The following FAM204A variants were observed in gnomAD, a reference collection of about 807,000 sequenced individuals.
FAM204A encodes the protein protein FAM204A.
Under a neutral mutation model 35.4 loss-of-function variants are expected in FAM204A, and 16 were observed. That is an observed-to-expected ratio of 0.45 (90% confidence interval 0.31 to 0.69). FAM204A has a LOEUF of 0.69. FAM204A is among the 30% of genes least tolerant of loss of function. The pLI, the probability that FAM204A is intolerant of heterozygous loss-of-function variation, is 0.07. For missense variants in FAM204A, 240 were observed against 265.7 expected (o/e 0.90, Z 0.67); for synonymous variants, 76 against 86.9 (o/e 0.88, Z 0.70).
At position 118,305,930 on chromosome 10, in the gene FAM204A, T is replaced by C. The variant is rs1183537779; in HGVS notation, c.*4927A>G. 1 of 152,242 alleles carries C rather than the reference T, an allele frequency of 6.6e-6. No homozygotes were observed. The highest frequency in any genetic ancestry group is 6.5e-5 in the Admixed American group (1 of 15,290). The allele number at this position is 152,242 out of a possible 1,614,324, so 9.4% of individuals were successfully genotyped here. The stretch of plus-strand genomic sequence containing the variant: ...TTTTTATTGTGGGCAGTCATAATTG[T>C]ATGCTATCCATCAAACAATAAAACC... On this transcript the variant is annotated 3_prime_UTR_variant, in exon 9 of 9. Transcript: ENST00000369183.
rs1845941453 is a variant in FAM204A at position 118,310,864 on chromosome 10, T to C, written c.695A>G (p.Tyr232Cys). 6.2e-7 allele frequency: 1 copy of C among 1,602,550 alleles called. No homozygotes were observed. Among genetic ancestry groups the C allele is most frequent in the Non-Finnish European group, 8.5e-7 (1 of 1,176,934 alleles). Residue 232 changes from tyrosine to cysteine, a missense_variant, in exon 9 of 9, where the codon TAC (tyrosine) becomes TGC (cysteine). This residue lies in a region of FAM204A where 8 missense variants were observed against 22.9 expected (regional missense o/e 0.35). Coordinates refer to ENST00000369183, the MANE Select transcript of FAM204A (RefSeq NM_022063.3). ...TTGAAGCACTCTGGCAAGTTACATG[T>C]ATCCCATGTTGCTTTTGGTTTCCCA... is the stretch of plus-strand genomic sequence containing the variant. ...KRWETKSNMG[Y>C]M
Position 118,304,711 on chromosome 10 carries a change from C to T in FAM204A, c.*6146G>A, listed in dbSNP as rs1845844069. On this transcript the variant is annotated 3_prime_UTR_variant, in exon 9 of 9. Coordinates refer to ENST00000369183, the MANE Select transcript of FAM204A (RefSeq NM_022063.3). Reference sequence around the variant, plus strand: ...TGCCTCACTGACTGAGCATGCAATGCTCTTTCAGCAGGTATCACACTGTGA... The same window carrying T: ...TGCCTCACTGACTGAGCATGCAATGTTCTTTCAGCAGGTATCACACTGTGA... The T allele has an allele frequency of 6.6e-6, 1 of 152,260 alleles. No homozygotes were observed. Among genetic ancestry groups the T allele is most frequent in the Admixed American group, 6.5e-5 (1 of 15,292 alleles). The allele number at this position is 152,260 out of a possible 1,614,324, so 9.4% of individuals were successfully genotyped here. A position where few individuals can be genotyped will look rare whatever the true frequency, so the allele number is the denominator to read the frequency against.
chr10:118,331,978 A>G (rs1846296221), intron 6 of FAM204A, among the ~76,000 whole-genome samples: 1 of 150,934 alleles, frequency 6.6e-6, no homozygotes, highest in African/African-American at 2.4e-5. Context: ...GTTTGAGACC[A>G]GCCTGGCCAA....
rs1210682799 is a variant in FAM204A, at chr10:118,299,150, G to C, written c.*11707C>G. 6.6e-6 allele frequency: 1 copy of C among 152,166 alleles called. No homozygotes were observed. The highest frequency in any genetic ancestry group is 2.4e-5 in the African/African-American group (1 of 41,436). 9.4% of individuals were successfully genotyped at this position (152,166 alleles called of 1,614,324 possible). A position where few individuals can be genotyped will look rare whatever the true frequency, so the allele number is the denominator to read the frequency against. On this transcript the variant is annotated 3_prime_UTR_variant, in exon 9 of 9. Transcript: ENST00000369183. ...TCCAAATGGGGAAAACTGTCTGCCT[G>C]ATTCTTGAGTATGCTAATGCCTACA...
rs147368320 is a variant in FAM204A at position 118,311,276 on chromosome 10, T to G, written c.581A>C (p.Asn194Thr). The stretch of plus-strand genomic sequence containing the variant: ...AACCTCCTTTTTGGCTTTTACAAAG[T>G]TGTGGCAGGCAACTGCTTTGGCAAT... ...VKIAKAVACH[N>T]FVKAKKEVEN... The change falls in exon 8 of 9, where the codon AAC (asparagine) becomes ACC (threonine). Residue 194 changes from asparagine (N) to threonine (T), a missense_variant. Physicochemically the swap from Asn to Thr is moderately conservative, Grantham distance 65. Coordinates refer to ENST00000369183, the MANE Select transcript of FAM204A (RefSeq NM_022063.3). 1 of 1,609,890 alleles carries G rather than the reference T, an allele frequency of 6.2e-7. No homozygotes were observed.
chr10:118,340,182 A>T (rs752486551), intron 2 of FAM204A, among the ~76,000 whole-genome samples: 1 of 152,252 alleles, frequency 6.6e-6, no homozygotes. Context: ...ACTGGTAGTT[A>T]TAGGTCTGAT....
In FAM204A at chr10:118,311,262, T is replaced by C; in HGVS notation, c.595A>G (p.Lys199Glu). ...GCCTGTGAATTTTCAACCTCCTTTT[T>C]GGCTTTTACAAAGTTGTGGCAGGCA... is the stretch of plus-strand genomic sequence containing the variant. ...AVACHNFVKA[K>E]KEVENSQAAR... The change falls in exon 8 of 9, where the codon AAA (lysine) becomes GAA (glutamate). Residue 199 changes from lysine (K) to glutamate (E), a missense_variant. By Grantham distance (56) the Lys-to-Glu change is moderately conservative. Coordinates refer to ENST00000369183, the MANE Select transcript of FAM204A (RefSeq NM_022063.3). 1.2e-6 allele frequency: 2 copies of C among 1,612,612 alleles called. No individual in the cohort carries two copies. Among genetic ancestry groups the C allele is most frequent in the South Asian group, 1.1e-5 (1 of 90,458 alleles).
Position 118,307,493 on chromosome 10 carries a change from G to A in FAM204A, c.*3364C>T, listed in dbSNP as rs1845881719. On this transcript the variant is annotated 3_prime_UTR_variant, in exon 9 of 9. Coordinates refer to ENST00000369183, the MANE Select transcript of FAM204A (RefSeq NM_022063.3). ...TTCAGTTGGTTCTGGATTAGACTAG[G>A]TTTCACTAACTTCAAAATGAGATCT... 6.6e-6 allele frequency: 1 copy of A among 152,164 alleles called. No individual in the cohort carries two copies. The highest frequency in any genetic ancestry group is 6.5e-5 in the Admixed American group (1 of 15,280). 9.4% of individuals were successfully genotyped at this position (152,164 alleles called of 1,614,324 possible).
At position 118,310,807 on chromosome 10, in the gene FAM204A, C is replaced by T. The variant is rs765740305; in HGVS notation, c.*50G>A. On this transcript the variant is annotated 3_prime_UTR_variant, in exon 9 of 9. Coordinates refer to ENST00000369183, the MANE Select transcript of FAM204A (RefSeq NM_022063.3). ...ATTAACATAGGCAGGAAAACATTCTCAGTAAATTGAGCATTTGAGTCTACA... is the reference window on the plus strand; with the variant it reads ...ATTAACATAGGCAGGAAAACATTCTTAGTAAATTGAGCATTTGAGTCTACA... 1.4e-6 allele frequency: 2 copies of T among 1,429,792 alleles called. No individual in the cohort carries two copies. Among genetic ancestry groups the T allele is most frequent in the Non-Finnish European group, 1.9e-6 (2 of 1,033,798 alleles). 88.6% of individuals were successfully genotyped at this position (1,429,792 alleles called of 1,614,324 possible).
In FAM204A at chr10:118,300,510, CT is replaced by C. The variant is rs1172472483; in HGVS notation, c.*10346del. 1.3e-5 allele frequency: 2 copies of C among 152,170 alleles called. No individual in the cohort carries two copies. The highest frequency in any genetic ancestry group is 2.9e-5 in the Non-Finnish European group (2 of 68,044). 9.4% of individuals were successfully genotyped at this position (152,170 alleles called of 1,614,324 possible). A position where few individuals can be genotyped will look rare whatever the true frequency, so the allele number is the denominator to read the frequency against. On this transcript the variant is annotated 3_prime_UTR_variant, in exon 9 of 9. Transcript: ENST00000369183. ...GATCATGGTGGTGTAGCCTAGGGCA[CT>C]GATTAACATTGGCTGAACACATATT...
At chr10:118,328,470 T>C (rs1405522623) in intron 6 of FAM204A, among the ~76,000 whole-genome samples, 2 of 151,084 alleles carry the variant, frequency 1.3e-5, no homozygotes, top group African/African-American at 4.9e-5. Context: ...ATGATTCTGA[T>C]GCATGCTGAA....
rs149279687 is a variant in FAM204A, at chr10:118,327,528, C to T, written c.454-1285G>A. Among the ~76,000 whole-genome samples the T allele has an allele frequency of 2.6e-5, 4 of 152,290 alleles. No individual in the cohort carries two copies. In the East Asian group the frequency reaches 5.8e-4, roughly 22 times the overall value. On this transcript the variant is annotated intron_variant, in intron 6 of 8. Transcript: ENST00000369183. ...CCTGAGGCCATACGGATCTAATGCT[C>T]ACCACTCATTCTTGTCCTGTGATCA...
At chr10:118,330,082 A>C (rs1430635263) in intron 6 of FAM204A, among the ~76,000 whole-genome samples, 1 of 152,184 alleles carries the variant, frequency 6.6e-6, no homozygotes, top group Non-Finnish European at 1.5e-5. Context: ...CTAGAACTTT[A>C]TTTAATTTTT....
rs1272693761 is a variant in FAM204A, at chr10:118,299,484, T to G, written c.*11373A>C. Reference sequence around the variant, plus strand: ...GCAGCCTCGACCTCTCGGGTTTAAGTAATCCTCCCACCTTAGCCTCCCGAG... The same window carrying G: ...GCAGCCTCGACCTCTCGGGTTTAAGGAATCCTCCCACCTTAGCCTCCCGAG... On this transcript the variant is annotated 3_prime_UTR_variant, in exon 9 of 9. Transcript: ENST00000369183. 6.7e-6 allele frequency: 1 copy of G among 148,622 alleles called. No individual in the cohort carries two copies. The highest frequency in any genetic ancestry group is 6.8e-5 in the Admixed American group (1 of 14,792). 9.2% of individuals were successfully genotyped at this position (148,622 alleles called of 1,614,324 possible).
In FAM204A at chr10:118,335,767, G is replaced by C. The variant is rs969873941; in HGVS notation, c.235-126C>G. 15 of 731,550 alleles carry C rather than the reference G, an allele frequency of 2.1e-5. No individual in the cohort carries two copies. In the Admixed American group the frequency reaches 4.6e-4, roughly 22 times the overall value. The allele number at this position is 731,550 out of a possible 1,614,324, so 45.3% of individuals were successfully genotyped here. A position where few individuals can be genotyped will look rare whatever the true frequency, so the allele number is the denominator to read the frequency against. On this transcript the variant is annotated intron_variant, in intron 3 of 8. Coordinates refer to ENST00000369183, the MANE Select transcript of FAM204A (RefSeq NM_022063.3). ...TAAAGATACCAATTTAATGATGGTA[G>C]TCAGTTCTTGAGATGCTCTATTCTC...
In FAM204A at chr10:118,313,672, C is replaced by T. The variant is rs150391166; in HGVS notation, c.544-2359G>A. Among the ~76,000 whole-genome samples, 1,432 of 152,224 alleles carry T rather than the reference C, an allele frequency of 9.4e-3. 12 individuals are homozygous for T. Among genetic ancestry groups the T allele is most frequent in the Middle Eastern group, 0.027 (8 of 294 alleles). ...TATATTTTTTCCATTAACTCCATTC[C>T]TATCAAATGCAAATTCAGTTTTGCC... On this transcript the variant is annotated intron_variant, in intron 7 of 8. Transcript: ENST00000369183.
chr10:118,329,758 C>G (rs766913101), intron 6 of FAM204A, among the ~76,000 whole-genome samples: 18 of 152,138 alleles, frequency 1.2e-4, no homozygotes, highest in Non-Finnish European at 2.2e-4. Flanking sequence ...CCAGTTCCTT[C>G]TACATAGAAG....
intron 8 of FAM204A, 143 bp from the exon 9 acceptor site, chr10:118,311,051 GAAGA>G: frequency 9.5e-7 from 1 of 1,053,028 alleles, no homozygotes; most frequent in Non-Finnish European, 1.4e-6. Context: ...TAAACAGGAT[GAAGA>G]AATGCCTCTA....
At chr10:118,335,463 A>G in intron 4 of FAM204A, 37 bp from the exon 5 acceptor site, 1 of 1,595,714 alleles carries the variant, frequency 6.3e-7, no homozygotes, top group Non-Finnish European at 8.5e-7. Context: ...ACCTAACTTC[A>G]GTAATTTCAA....
Sources: gnomAD v4.1 joint callset for allele counts (sites outside exome capture counted in the v4.1 genomes callset) on GRCh38, gnomAD v4.1.1 for gene constraint, gnomAD v4.1.1 regional missense constraint, MANE v1.5 for transcripts, NCBI Gene and HGNC (gene_info 2026-07-23, HGNC 2026-07-21) for gene names.